Variants in GRM8 observed in about 807,000 individuals in gnomAD.
GRM8 encodes the protein glutamate metabotropic receptor 8, also known as metabotropic glutamate receptor 8.
Under a neutral mutation model 87.2 loss-of-function variants are expected in GRM8, and 47 were observed. The observed-to-expected ratio is 0.54, with a 90% CI of 0.43 to 0.69. The LOEUF is 0.69. Among genes scored for constraint, GRM8 ranks in the 30% least tolerant of loss-of-function variants. The probability of loss-of-function intolerance (pLI) is 0.00; values close to 1 mark genes in which losing one functional copy is unlikely to be tolerated. For synonymous variants in GRM8, 396 were observed against 404.5 expected (o/e 0.98, Z 0.25); for missense variants, 1,019 against 1,139.2 (o/e 0.89, Z 1.52).
intron 9 of GRM8, among the ~76,000 whole-genome samples, chr7:126,522,600 G>C (rs1468447789): frequency 6.6e-6 from 1 of 152,160 alleles, no homozygotes; most frequent in Non-Finnish European, 1.5e-5. Context: ...TGGCCTCCCA[G>C]TTCTCCTTGT....
intron 7 of GRM8, among the ~76,000 whole-genome samples, chr7:126,718,473 G>T (rs1812008335): frequency 6.6e-6 from 1 of 152,104 alleles, no homozygotes; most frequent in Non-Finnish European, 1.5e-5. Context: ...GCAAGAATTT[G>T]TAGTGATGAG....
chr7:127,070,667 C>A (rs906344780), intron 3 of GRM8, among the ~76,000 whole-genome samples: 1 of 152,126 alleles, frequency 6.6e-6, no homozygotes, highest in Non-Finnish European at 1.5e-5. Flanking sequence ...AGAGCTATCA[C>A]CATGTGTATT....
chr7:126,997,546 GA>G (rs553005806), intron 3 of GRM8, among the ~76,000 whole-genome samples: 74 of 81,964 alleles, frequency 9.0e-4, no homozygotes, highest in East Asian at 8.0e-3. Flanking sequence ...GCCAGACTAA[GA>G]AAAAAAAAAA....
intron 3 of GRM8, among the ~76,000 whole-genome samples, chr7:126,978,208 G>A (rs748306097): frequency 6.6e-6 from 1 of 151,844 alleles, no homozygotes; most frequent in Non-Finnish European, 1.5e-5. Context: ...CGGAGGGGAG[G>A]AAAAGACAGG....
intron 3 of GRM8, among the ~76,000 whole-genome samples, chr7:126,905,254 G>C (rs1296666010): frequency 6.6e-6 from 1 of 152,148 alleles, no homozygotes; most frequent in Non-Finnish European, 1.5e-5. Context: ...GCCAACTTTG[G>C]ATTGACATAC....
chr7:126,775,360 T>C (rs2151623224), intron 6 of GRM8, among the ~76,000 whole-genome samples: 1 of 152,192 alleles, frequency 6.6e-6, no homozygotes, highest in African/African-American at 2.4e-5. Flanking sequence ...CATTGTGCTT[T>C]TCCCAATGTG....
At chr7:126,686,076 C>A (rs781465584) in intron 7 of GRM8, among the ~76,000 whole-genome samples, 1 of 150,974 alleles carries the variant, frequency 6.6e-6, no homozygotes, top group Non-Finnish European at 1.5e-5. Flanking sequence ...AGCTGCCCAC[C>A]CCAGGGTCTC....
chr7:127,027,670 C>T (rs1816924509), intron 3 of GRM8, among the ~76,000 whole-genome samples: 1 of 152,102 alleles, frequency 6.6e-6, no homozygotes, highest in African/African-American at 2.4e-5. Flanking sequence ...GTGATTTTTG[C>T]ACATTGATTT....
chr7:126,656,757 G>T (rs1246313001), intron 7 of GRM8, among the ~76,000 whole-genome samples: 1 of 152,152 alleles, frequency 6.6e-6, no homozygotes. Flanking sequence ...ACAGAGAGGG[G>T]TTATTTCTGC....
At chr7:127,079,502 T>C (rs1822631621) in intron 3 of GRM8, among the ~76,000 whole-genome samples, 1 of 152,188 alleles carries the variant, frequency 6.6e-6, no homozygotes, top group South Asian at 2.1e-4. Flanking sequence ...TATTTAAAGA[T>C]AAAAACAAAT....
chr7:126,806,974 C>T (rs1241149869), intron 6 of GRM8, among the ~76,000 whole-genome samples: 1 of 152,208 alleles, frequency 6.6e-6, no homozygotes, highest in Admixed American at 6.5e-5. Context: ...CTGAAGGGCT[C>T]CTCGAGCGCG....
chr7:126,719,564 A>G (rs1018661435), intron 7 of GRM8, among the ~76,000 whole-genome samples: 1 of 152,206 alleles, frequency 6.6e-6, no homozygotes, highest in Non-Finnish European at 1.5e-5. Flanking sequence ...AGTCTGTGAG[A>G]GTCAACATGT....
rs1361954 is a variant in GRM8 at position 127,112,427 on chromosome 7, G to T, written c.511-5715C>A. 3 of 151,966 alleles carry T rather than the reference G, an allele frequency of 2.0e-5. No individual in the cohort carries two copies. The East Asian group carries it at 5.8e-4, about 29-fold the overall frequency. 9.4% of individuals were successfully genotyped at this position (151,966 alleles called of 1,614,324 possible). A position where few individuals can be genotyped will look rare whatever the true frequency, so the allele number is the denominator to read the frequency against. ...CCCTACTAACATGTAGATTCCACAG[G>T]GTTATTTTCTGCATTGTTCACAGAT... On this transcript the variant is annotated intron_variant, in intron 2 of 10. Transcript: ENST00000339582.
At chr7:126,829,688 T>G (rs1047495165) in intron 6 of GRM8, among the ~76,000 whole-genome samples, 1 of 152,178 alleles carries the variant, frequency 6.6e-6, no homozygotes, top group African/African-American at 2.4e-5. Context: ...AATTGGAGCA[T>G]TTAGTCCAGT....
chr7:126,586,934 G>A lies in GRM8; in HGVS notation c.1494+22428C>T, dbSNP rs183716052. Among the ~76,000 whole-genome samples the A allele has an allele frequency of 2.4e-3, 366 of 152,142 alleles. 1 individual carries two copies. The highest frequency in any genetic ancestry group is 8.5e-3 in the African/African-American group (352 of 41,500). On this transcript the variant is annotated intron_variant, in intron 8 of 10. Coordinates refer to ENST00000339582, the MANE Select transcript of GRM8 (RefSeq NM_000845.3). ...GAAAATTTTTGCAATCTACTCATCT[G>A]ACAAAGGGCTAATATCCAGAATCTA...
chr7:126,733,025 A>G (rs1390627431), intron 7 of GRM8, among the ~76,000 whole-genome samples: 1 of 152,052 alleles, frequency 6.6e-6, no homozygotes, highest in Admixed American at 6.6e-5. Flanking sequence ...TTTTAAGCTC[A>G]TCAGCTATCA....
chr7:126,523,414 T>A (rs1473157438), intron 9 of GRM8, among the ~76,000 whole-genome samples: 4 of 152,148 alleles, frequency 2.6e-5, no homozygotes, highest in Non-Finnish European at 5.9e-5. Flanking sequence ...TTAGATAGTA[T>A]CTATTGGCTA....
At chr7:126,649,082 C>A (rs1380189089) in intron 7 of GRM8, among the ~76,000 whole-genome samples, 2 of 152,090 alleles carry the variant, frequency 1.3e-5, no homozygotes, top group Admixed American at 6.6e-5. Flanking sequence ...ATGTGGATCC[C>A]AAATGTGAAT....
At chr7:126,670,846 G>A (rs752746478) in intron 7 of GRM8, among the ~76,000 whole-genome samples, 42 of 152,214 alleles carry the variant, frequency 2.8e-4, no homozygotes, top group African/African-American at 5.5e-4. Flanking sequence ...AACTATTTAC[G>A]ACCTTTAATA....
Sources: allele counts gnomAD v4.1 joint callset (sites outside exome capture counted in the v4.1 genomes callset), GRCh38; gene constraint gnomAD v4.1.1; transcripts MANE v1.5; gene names NCBI Gene and HGNC (gene_info 2026-07-23, HGNC 2026-07-21).